Variants in KRT7 observed in about 807,000 individuals in gnomAD.
The protein encoded by KRT7 is keratin, type II cytoskeletal 7.
Under a neutral mutation model 42.8 loss-of-function variants are expected in KRT7, and 50 were observed. The observed-to-expected ratio is 1.17, with a 90% CI of 0.93 to 1.48. KRT7 has a LOEUF of 1.48. Ranked by LOEUF, KRT7 falls within the 40% of genes most tolerant of loss-of-function variation. The probability of loss-of-function intolerance (pLI) is 0.00; values close to 1 mark genes in which losing one functional copy is unlikely to be tolerated. For synonymous variants in KRT7, 268 were observed against 266.3 expected (o/e 1.01, Z -0.06); for missense variants, 588 against 637.6 (o/e 0.92, Z 0.84).
In KRT7 at chr12:52,245,437, C is replaced by T. The variant is rs1942153697; in HGVS notation, c.1010C>T (p.Ala337Val). The T allele has an allele frequency of 4.3e-6, 7 of 1,613,772 alleles. No homozygotes were observed. Among genetic ancestry groups the T allele is most frequent in the African/African-American group, 1.3e-5 (1 of 74,932 alleles). ...NQRAKLEAAI[A>V]EAEERGELAL... ...CGTGCCAAGTTGGAGGCCGCCATTG[C>T]CGAGGCTGAGGAGCGTGGGGAGCTG... The change falls in exon 7 of 9, where the codon GCC (alanine) becomes GTC (valine). Residue 337 changes from alanine to valine, a missense_variant. Coordinates refer to ENST00000331817, the MANE Select transcript of KRT7 (RefSeq NM_005556.4).
intron 2 of KRT7, among the ~76,000 whole-genome samples, chr12:52,236,116 C>G (rs889133097): frequency 4.7e-4 from 71 of 152,068 alleles, no homozygotes; most frequent in Non-Finnish European, 1.0e-4. Flanking sequence ...TGAGTTCTGT[C>G]CCCTGCCTGT....
In KRT7 at chr12:52,245,558, A is replaced by T. The variant is rs988046486; in HGVS notation, c.1131A>T (p.Glu377Asp). 6.2e-7 allele frequency: 1 copy of T among 1,614,088 alleles called. No homozygotes were observed. The highest frequency in any genetic ancestry group is 1.7e-5 in the Admixed American group (1 of 60,026). The change falls in exon 7 of 9, where the codon GAA becomes GAT. Residue 377 changes from glutamate (E) to aspartate (D), a missense_variant. By Grantham distance (45) the Glu-to-Asp change is conservative. Transcript: ENST00000331817. ...DMARQLREYQ[E>D]LMSVKLALDI... ...CACGGCAGCTGCGTGAGTACCAGGA[A>T]CTCATGAGCGTGAAGCTGGCCCTGG...
chr12:52,238,843 G>GC, intron 4 of KRT7, 68 bp downstream of exon 4: 1 of 948,922 alleles, frequency 1.1e-6, no homozygotes, highest in Non-Finnish European at 1.7e-6. Flanking sequence ...ATCTGGTCCA[G>GC]CCCCCCGCCT....
chr12:52,243,743 C>T (rs1471977584), intron 6 of KRT7, among the ~76,000 whole-genome samples: 2 of 152,250 alleles, frequency 1.3e-5, no homozygotes, highest in Non-Finnish European at 2.9e-5. Flanking sequence ...AGAGACGGCA[C>T]TCTCAAACAC....
downstream of KRT7, chr12:52,253,812 C>T (rs1373415649): frequency 1.7e-6 from 1 of 576,146 alleles, no homozygotes; most frequent in Non-Finnish European, 3.3e-6. Flanking sequence ...CAGAGCCCTA[C>T]TCTTGGTAGC....
downstream of KRT7, chr12:52,251,800 C>A: frequency 5.6e-6 from 2 of 359,210 alleles, no homozygotes; most frequent in South Asian, 4.3e-5. Flanking sequence ...CGGCCACATG[C>A]AGGCTTCCTG....
chr12:52,252,321 T>A, downstream of KRT7: 1 of 1,614,044 alleles, frequency 6.2e-7, no homozygotes, highest in Non-Finnish European at 8.5e-7. Context: ...CCAGGCCAGC[T>A]TGGAGTTCAT....
intron 4 of KRT7, among the ~76,000 whole-genome samples, chr12:52,240,725 T>A (rs2121085912): frequency 6.6e-6 from 1 of 152,344 alleles, no homozygotes; most frequent in East Asian, 1.9e-4. Context: ...TACATATACA[T>A]AAAGATATAG....
In KRT7 at chr12:52,235,150, T is replaced by C. The variant is rs1194079897; in HGVS notation, c.325-5T>C. On this transcript the variant is annotated splice_polypyrimidine_tract_variant and splice_region_variant and intron_variant, in intron 1 of 8. Coordinates refer to ENST00000331817, the MANE Select transcript of KRT7 (RefSeq NM_005556.4). ...CTTGAGTTTCCTCCTTCTCGCCCGTTCTAGGTGCGGTTTCTGGAGCAGCAG... is the reference window on the plus strand; with the variant it reads ...CTTGAGTTTCCTCCTTCTCGCCCGTCCTAGGTGCGGTTTCTGGAGCAGCAG... The C allele has an allele frequency of 1.9e-6, 3 of 1,613,918 alleles. No homozygotes were observed. The highest frequency in any genetic ancestry group is 1.1e-5 in the South Asian group (1 of 91,074).
chr12:52,235,876 G>C (rs1414936074), intron 2 of KRT7, among the ~76,000 whole-genome samples: 6 of 152,190 alleles, frequency 3.9e-5, no homozygotes, highest in African/African-American at 1.4e-4. Flanking sequence ...GAGCCAACTT[G>C]GGAAGCAAAG....
chr12:52,247,904 T>G, intron 7 of KRT7: 2 of 524,944 alleles, frequency 3.8e-6, no homozygotes, highest in Non-Finnish European at 3.4e-6. Flanking sequence ...GCCCATGAAT[T>G]TGGTCCTGTA....
At chr12:52,234,132 G>GGC (rs1555181961) in intron 1 of KRT7, among the ~76,000 whole-genome samples, 1 of 149,490 alleles carries the variant, frequency 6.7e-6, no homozygotes, top group Non-Finnish European at 1.5e-5. Flanking sequence ...GGGGGAGGGG[G>GGC]GGGGGCTCCC....
In KRT7 at chr12:52,237,627, C is replaced by G. The variant is rs745820218; in HGVS notation, c.597+58C>G. The G allele has an allele frequency of 4.2e-5, 60 of 1,444,166 alleles. 1 individual carries two copies. The highest frequency in any genetic ancestry group is 2.8e-4 in the Admixed American group (16 of 57,250). 89.5% of individuals were successfully genotyped at this position (1,444,166 alleles called of 1,614,324 possible). On this transcript the variant is annotated intron_variant, in intron 3 of 8. Coordinates refer to ENST00000331817, the MANE Select transcript of KRT7 (RefSeq NM_005556.4). ...TCTGAAAACATGGGACAAAGGACCA[C>G]AGGATCCTCTCACCTGAGCAGCCCA...
intron 1 of KRT7, 89 bp downstream of exon 1, chr12:52,233,709 C>G: frequency 1.5e-6 from 2 of 1,308,648 alleles, no homozygotes; most frequent in Non-Finnish European, 2.2e-6. Flanking sequence ...GCGGGCCAGG[C>G]GCTGGGGAGC....
intron 6 of KRT7, chr12:52,244,460 C>T (rs928693051): frequency 1.1e-4 from 113 of 985,684 alleles, no homozygotes; most frequent in Non-Finnish European, 1.3e-4. Context: ...GCGGGGATGG[C>T]GTTGGCTCTG....
At chr12:52,253,503 G>C (rs117420962), downstream of KRT7, 2 of 1,564,726 alleles carry the variant, frequency 1.3e-6, no homozygotes, top group Non-Finnish European at 1.7e-6. Flanking sequence ...CTTCCCATCC[G>C]TAGGGACCAG....
chr12:52,245,155 A>G (rs981307444), intron 6 of KRT7: 1 of 558,020 alleles, frequency 1.8e-6, no homozygotes, highest in Admixed American at 3.5e-5. Context: ...ATGTTCTCTT[A>G]GAAAAGAGGG....
rs139944016 is a variant in KRT7, at chr12:52,237,131, C to T, written c.537-378C>T. On this transcript the variant is annotated intron_variant, in intron 2 of 8. Coordinates refer to ENST00000331817, the MANE Select transcript of KRT7 (RefSeq NM_005556.4). ...CCTTCTCTGATAACCACAGTACCATCGTTATAGGTTTGCTGTGAGGATGAA... is the reference window on the plus strand; with the variant it reads ...CCTTCTCTGATAACCACAGTACCATTGTTATAGGTTTGCTGTGAGGATGAA... Among the ~76,000 whole-genome samples the T allele has an allele frequency of 1.8e-3, 271 of 152,270 alleles. 4 individuals carry two copies. The highest frequency in any genetic ancestry group is 6.2e-3 in the African/African-American group (259 of 41,554).
chr12:52,249,783 G>C (rs149498713), downstream of KRT7, among the ~76,000 whole-genome samples: 2 of 152,244 alleles, frequency 1.3e-5, no homozygotes, highest in African/African-American at 4.8e-5. Flanking sequence ...GGATGGGGGA[G>C]CTATGTGGGA....
Sources: gnomAD v4.1 joint callset for allele counts (sites outside exome capture counted in the v4.1 genomes callset) on GRCh38, gnomAD v4.1.1 for gene constraint, MANE v1.5 for transcripts, NCBI Gene and HGNC (gene_info 2026-07-23, HGNC 2026-07-21) for gene names.